Variants in PLEKHG1 observed in about 807,000 individuals in gnomAD.
The protein encoded by PLEKHG1 is pleckstrin homology domain-containing family G member 1.
In PLEKHG1, 44 loss-of-function variants were observed where a neutral mutation model predicts 100.8. That is an observed-to-expected ratio of 0.44 (90% confidence interval 0.34 to 0.56). The LOEUF is 0.56. Ranked by LOEUF, PLEKHG1 falls within the 20% of genes least tolerant of loss-of-function variation. The pLI is 0.01. For missense variants in PLEKHG1, 1,545 were observed against 1,720.9 expected (o/e 0.90, Z 1.81); for synonymous variants, 640 against 662.5 (o/e 0.97, Z 0.52).
rs73780086 is a variant in PLEKHG1, at chr6:150,711,726, T to C, written c.-98-21858T>C. Among the ~76,000 whole-genome samples, 457 of 152,356 alleles carry C rather than the reference T, an allele frequency of 3.0e-3. 2 individuals are homozygous for C. Among genetic ancestry groups the C allele is most frequent in the African/African-American group, 0.01 (431 of 41,582 alleles). On this transcript the variant is annotated intron_variant, in intron 3 of 3. Coordinates refer to the PLEKHG1 transcript ENST00000367326. ...TGTTTATCTGTTTTGTTCACTCTTG[T>C]GTCTTTAGTGCCCAAGACAGTGCCT...
intron 4 of PLEKHG1, among the ~76,000 whole-genome samples, chr6:150,790,317 G>A (rs868662697): frequency 1.8e-4 from 27 of 152,270 alleles, no homozygotes; most frequent in Middle Eastern, 3.4e-3. Flanking sequence ...GTGAGCCACC[G>A]TGCCTGGCCA....
chr6:150,794,142 G>A (rs1437775203), intron 4 of PLEKHG1, among the ~76,000 whole-genome samples: 5 of 152,098 alleles, frequency 3.3e-5, no homozygotes, highest in Non-Finnish European at 7.4e-5. Flanking sequence ...GGGCTGTGCC[G>A]CACAGTGTGG....
intron 1 of PLEKHG1, among the ~76,000 whole-genome samples, chr6:150,608,721 G>GA (rs1280231962): frequency 3.9e-5 from 6 of 152,204 alleles, no homozygotes; most frequent in African/African-American, 1.4e-4. Flanking sequence ...GGGATATTAT[G>GA]AAAAAAACTG....
chr6:150,680,330 G>T (rs1027469254), intron 3 of PLEKHG1, among the ~76,000 whole-genome samples: 1 of 152,214 alleles, frequency 6.6e-6, no homozygotes, highest in African/African-American at 2.4e-5. Flanking sequence ...GGAAAGGATG[G>T]CTCTGAAATT....
exon 2 of PLEKHG1, chr6:150,733,959 T>C: frequency 6.2e-7 from 1 of 1,612,696 alleles, no homozygotes; most frequent in Non-Finnish European, 8.5e-7. Context: ...CAGTGGAGAG[T>C]GGACTCAAAC....
At chr6:150,636,489 T>C (rs1221746920) in intron 1 of PLEKHG1, among the ~76,000 whole-genome samples, 2 of 25,604 alleles carry the variant, frequency 7.8e-5, no homozygotes, top group African/African-American at 1.1e-4. Context: ...TTTTTTTTTC[T>C]GTTTTTTGGT....
intron 2 of PLEKHG1, among the ~76,000 whole-genome samples, chr6:150,748,096 C>T: frequency 6.6e-6 from 1 of 152,194 alleles, no homozygotes; most frequent in East Asian, 1.9e-4. Context: ...GTCACTAGGA[C>T]TTTGACTAAT....
At chr6:150,809,344 T>G in intron 8 of PLEKHG1, 37 bp from the exon 10 acceptor site, 1 of 1,610,740 alleles carries the variant, frequency 6.2e-7, no homozygotes, top group East Asian at 2.2e-5. Flanking sequence ...TGTTCCCTCC[T>G]GAGTGTGCCT....
At chr6:150,617,981 TGTGA>T (rs1470442260) in intron 1 of PLEKHG1, among the ~76,000 whole-genome samples, 2 of 152,306 alleles carry the variant, frequency 1.3e-5, no homozygotes, top group African/African-American at 4.8e-5. Context: ...TCAGCATGCG[TGTGA>T]GTGTGTATGC....
intron 2 of PLEKHG1, among the ~76,000 whole-genome samples, chr6:150,644,332 G>GGGTTTTTTT (rs1562404967): frequency 3.1e-5 from 3 of 96,564 alleles, no homozygotes; most frequent in South Asian, 3.4e-4. Flanking sequence ...TTTTCTTTTC[G>GGGTTTTTTT]TGTTTTTTTT....
At chr6:150,795,962 C>T in intron 5 of PLEKHG1, 60 bp downstream of exon 6, 2 of 1,053,798 alleles carry the variant, frequency 1.9e-6, no homozygotes, top group South Asian at 1.3e-5. Flanking sequence ...TTCAAGTCAG[C>T]TGGTGCAGTA....
chr6:150,843,544 C>T (rs1389533428), exon 16 of PLEKHG1: 1 of 150,712 alleles, frequency 6.6e-6, no homozygotes, highest in African/African-American at 2.4e-5. Context: ...GTTTACTTTT[C>T]ACCTGCTCTA....
chr6:150,628,423 A>G (rs1183275487), intron 1 of PLEKHG1, among the ~76,000 whole-genome samples: 1 of 152,116 alleles, frequency 6.6e-6, no homozygotes, highest in Non-Finnish European at 1.5e-5. Flanking sequence ...AGCATTCCAC[A>G]CATAGGACTG....
intron 4 of PLEKHG1, among the ~76,000 whole-genome samples, chr6:150,795,309 G>T (rs984604906): frequency 6.6e-6 from 1 of 151,486 alleles, no homozygotes; most frequent in Non-Finnish European, 1.5e-5. Flanking sequence ...AGAATTGCTT[G>T]AACCGGGGAG....
intron 6 of PLEKHG1, among the ~76,000 whole-genome samples, chr6:150,803,681 T>A (rs1415422348): frequency 6.6e-6 from 1 of 152,212 alleles, no homozygotes; most frequent in Non-Finnish European, 1.5e-5. Context: ...AGGATTGTCT[T>A]TAGTCAACTT....
intron 3 of PLEKHG1, among the ~76,000 whole-genome samples, chr6:150,698,670 A>G (rs149925851): frequency 6.6e-6 from 1 of 152,338 alleles, no homozygotes; most frequent in East Asian, 1.9e-4. Flanking sequence ...CGATACATAA[A>G]GTTCTAAAGC....
At chr6:150,769,873 A>G (rs1784629248) in intron 3 of PLEKHG1, among the ~76,000 whole-genome samples, 1 of 152,098 alleles carries the variant, frequency 6.6e-6, no homozygotes, top group Admixed American at 6.6e-5. Flanking sequence ...ATACTATATG[A>G]TCGACTTTTA....
chr6:150,733,183 T>TGA (rs2128617530), intron 1 of PLEKHG1, among the ~76,000 whole-genome samples: 1 of 152,328 alleles, frequency 6.6e-6, no homozygotes, highest in Non-Finnish European at 1.5e-5. Flanking sequence ...CTTGTTAAAG[T>TGA]GATCAATTCC....
chr6:150,767,880 C>A (rs57952714), intron 2 of PLEKHG1, among the ~76,000 whole-genome samples: 7,308 of 152,248 alleles, frequency 0.048, 540 homozygotes, highest in African/African-American at 0.16. Context: ...TGTTTTCCTG[C>A]CTCCTACAGA....
Sources: allele counts gnomAD v4.1 joint callset (sites outside exome capture counted in the v4.1 genomes callset), GRCh38; gene constraint gnomAD v4.1.1; transcripts MANE v1.5; gene names NCBI Gene and HGNC (gene_info 2026-07-23, HGNC 2026-07-21).